Variants in LINGO1 observed in about 807,000 individuals in gnomAD.
The protein encoded by LINGO1 is leucine rich repeat and Ig domain containing 1, also known as leucine-rich repeat and immunoglobulin-like domain-containing nogo receptor-interacting protein 1.
A neutral mutation model predicts 37.3 loss-of-function variants in LINGO1; 11 were observed. The observed-to-expected ratio is 0.29, with a 90% CI of 0.19 to 0.49. The LOEUF (loss-of-function observed/expected upper bound fraction) is 0.49, where lower values mean the gene tolerates loss of function less well. Ranked by LOEUF, LINGO1 falls within the 20% of genes least tolerant of loss-of-function variation. The pLI, the probability that LINGO1 is intolerant of heterozygous loss-of-function variation, is 0.99. For synonymous variants in LINGO1, 387 were observed against 403.0 expected (o/e 0.96, Z 0.48); for missense variants, 585 against 878.2 (o/e 0.67, Z 4.22).
chr15:77,820,572 T>C (rs934943066), upstream of LINGO1, among the ~76,000 whole-genome samples: 1 of 152,196 alleles, frequency 6.6e-6, no homozygotes, highest in Non-Finnish European at 1.5e-5. Context: ...ACACCTGTCA[T>C]GCTGGGAGGA....
chr15:77,685,245 G>A (rs558158197), intron 2 of LINGO1, among the ~76,000 whole-genome samples: 1 of 152,272 alleles, frequency 6.6e-6, no homozygotes, highest in East Asian at 1.9e-4. Flanking sequence ...ATCTGTGGAG[G>A]AGGCAGCTTG....
chr15:77,735,398 T>C (rs2076194456), intron 1 of LINGO1, among the ~76,000 whole-genome samples: 1 of 152,230 alleles, frequency 6.6e-6, no homozygotes, highest in Non-Finnish European at 1.5e-5. Context: ...CACAGTTCTC[T>C]GGTTCCTGGA....
intron 1 of LINGO1, among the ~76,000 whole-genome samples, chr15:77,760,900 G>A (rs1485819282): frequency 2.9e-5 from 4 of 139,860 alleles, no homozygotes; most frequent in African/African-American, 8.2e-5. Context: ...ATTTTGTTGT[G>A]ATTGTTAATA....
intron 1 of LINGO1, among the ~76,000 whole-genome samples, chr15:77,809,172 C>G (rs1181854286): frequency 6.6e-6 from 1 of 152,230 alleles, no homozygotes; most frequent in Non-Finnish European, 1.5e-5. Context: ...AATGGAGGTT[C>G]AGCCTCCCAG....
chr15:77,620,577 T>C (rs555659094), intron 1 of LINGO1, among the ~76,000 whole-genome samples: 12 of 152,388 alleles, frequency 7.9e-5, no homozygotes, highest in Admixed American at 3.9e-4. Flanking sequence ...CTGCCCTCTC[T>C]GGCCTGCACA....
intron 3 of LINGO1, among the ~76,000 whole-genome samples, chr15:77,669,334 C>A (rs1261644118): frequency 2.6e-5 from 4 of 152,210 alleles, no homozygotes; most frequent in African/African-American, 9.7e-5. Flanking sequence ...CATCCCTTTG[C>A]CTCCCACAGC....
intron 1 of LINGO1, among the ~76,000 whole-genome samples, chr15:77,798,928 A>T (rs1168809704): frequency 6.9e-6 from 1 of 145,672 alleles, no homozygotes; most frequent in Non-Finnish European, 1.5e-5. Flanking sequence ...GCAAACACTG[A>T]TCAGAAAGCA....
At chr15:77,712,693 G>A (rs1329268185) in intron 2 of LINGO1, among the ~76,000 whole-genome samples, 2 of 152,086 alleles carry the variant, frequency 1.3e-5, no homozygotes, top group Non-Finnish European at 2.9e-5. Context: ...ACTCTCCACT[G>A]AGACCTCACT....
At chr15:77,690,179 A>C (rs35390302) in intron 2 of LINGO1, among the ~76,000 whole-genome samples, 12,896 of 152,244 alleles carry the variant, frequency 0.085, 607 homozygotes, top group Middle Eastern at 0.13. Flanking sequence ...CATTCCTGGT[A>C]ACATGGTTGG....
intron 1 of LINGO1, among the ~76,000 whole-genome samples, chr15:77,769,684 A>C (rs1260457849): frequency 6.6e-6 from 1 of 152,050 alleles, no homozygotes; most frequent in Non-Finnish European, 1.5e-5. Flanking sequence ...GGGGGACAGG[A>C]TCCCCACTCG....
At chr15:77,766,412 A>C (rs889210678) in intron 1 of LINGO1, among the ~76,000 whole-genome samples, 3 of 152,010 alleles carry the variant, frequency 2.0e-5, no homozygotes, top group Admixed American at 6.6e-5. Context: ...CGCAAAAAAA[A>C]CTCAAAATAT....
At chr15:77,810,929 C>T (rs56009211) in intron 1 of LINGO1, among the ~76,000 whole-genome samples, 12,485 of 152,230 alleles carry the variant, frequency 0.082, 548 homozygotes, top group Non-Finnish European at 0.098. Flanking sequence ...TCAGTAGGGC[C>T]TCAGGCAGCC....
At chr15:77,635,815 G>C (rs965645662), upstream of LINGO1, among the ~76,000 whole-genome samples, 1 of 149,132 alleles carries the variant, frequency 6.7e-6, no homozygotes, top group African/African-American at 2.6e-5. Context: ...CTGAGACTGC[G>C]TGTCTCATAG....
At chr15:77,784,347 G>A (rs564902236) in intron 1 of LINGO1, among the ~76,000 whole-genome samples, 1 of 152,386 alleles carries the variant, frequency 6.6e-6, no homozygotes, top group South Asian at 2.1e-4. Context: ...GCCAGCTTGT[G>A]AGGTTGGAAG....
chr15:77,729,735 TC>T (rs2076136973), intron 2 of LINGO1, among the ~76,000 whole-genome samples: 1 of 152,236 alleles, frequency 6.6e-6, no homozygotes, highest in South Asian at 2.1e-4. Flanking sequence ...GCTGTTTTGC[TC>T]CTGTGGACAG....
At chr15:77,742,395 G>A (rs957189587) in intron 1 of LINGO1, among the ~76,000 whole-genome samples, 12 of 152,288 alleles carry the variant, frequency 7.9e-5, no homozygotes, top group Admixed American at 1.3e-4. Context: ...TCCAGGTGCC[G>A]GGCACATCAG....
intron 1 of LINGO1, among the ~76,000 whole-genome samples, chr15:77,764,671 G>A (rs1253030052): frequency 1.3e-5 from 2 of 152,192 alleles, no homozygotes; most frequent in African/African-American, 4.8e-5. Flanking sequence ...GCCAGAGAGT[G>A]CCAAGCATCG....
chr15:77,764,477 C>T (rs115781432), intron 1 of LINGO1, among the ~76,000 whole-genome samples: 3,267 of 152,238 alleles, frequency 0.021, 119 homozygotes, highest in African/African-American at 0.076. Flanking sequence ...ATAAAGAATT[C>T]TGCAAATCAA....
chr15:77,770,963 T>C lies in LINGO1; in HGVS notation c.-257+15906A>G, dbSNP rs916512933. ...GGACCCTGAGTAGTGACTGTGACCC[T>C]TCTCGGGGCTCAAATCACTCAGAAA... On this transcript the variant is annotated intron_variant, in intron 1 of 3. Coordinates refer to the LINGO1 transcript ENST00000561686. Among the ~76,000 whole-genome samples, 2 of 152,160 alleles carry C rather than the reference T, an allele frequency of 1.3e-5. 1 individual carries two copies. The highest frequency in any genetic ancestry group is 4.8e-5 in the African/African-American group (2 of 41,438).
Sources: allele counts gnomAD v4.1 joint callset (sites outside exome capture counted in the v4.1 genomes callset), GRCh38; gene constraint gnomAD v4.1.1; transcripts MANE v1.5; gene names NCBI Gene and HGNC (gene_info 2026-07-23, HGNC 2026-07-21).